The following SLC30A6 variants were observed in gnomAD, a reference collection of about 807,000 sequenced individuals.
SLC30A6 encodes the protein solute carrier family 30 member 6, also known as zinc transporter 6.
A neutral mutation model predicts 63.0 loss-of-function variants in SLC30A6; 55 were observed. That is an observed-to-expected ratio of 0.87 (90% confidence interval 0.70 to 1.09). The LOEUF (loss-of-function observed/expected upper bound fraction) is 1.09, where lower values mean the gene tolerates loss of function less well. Among genes scored for constraint, SLC30A6 ranks in the 50% least tolerant of loss-of-function variants. SLC30A6 has a pLI of 0.00. For missense variants in SLC30A6, 587 were observed against 549.2 expected (o/e 1.07, Z -0.69); for synonymous variants, 224 against 186.1 (o/e 1.20, Z -1.66).
At chr2:32,208,664 C>T (rs1166411196) in intron 12 of SLC30A6, among the ~76,000 whole-genome samples, 1 of 124,888 alleles carries the variant, frequency 8.0e-6, no homozygotes. Flanking sequence ...GTGTTCTCTG[C>T]TTCCCACCGG....
chr2:32,181,226 G>A (rs922913136), intron 4 of SLC30A6, among the ~76,000 whole-genome samples: 2 of 152,120 alleles, frequency 1.3e-5, no homozygotes, highest in African/African-American at 4.8e-5. Flanking sequence ...GATTTATGTA[G>A]TAATGGGAAG....
intron 4 of SLC30A6, among the ~76,000 whole-genome samples, chr2:32,183,797 A>G (rs1212879771): frequency 6.6e-6 from 1 of 152,008 alleles, no homozygotes; most frequent in African/African-American, 2.4e-5. Context: ...AACTTGTTTT[A>G]CAGTGAATCT....
chr2:32,187,999 A>G lies in SLC30A6; in HGVS notation c.284+3661A>G, dbSNP rs1217765260. On this transcript the variant is annotated intron_variant, in intron 5 of 13. Coordinates refer to ENST00000282587, the MANE Select transcript of SLC30A6 (RefSeq NM_017964.5). ...TATCCCTCTCCCCTTAAAACCATCT[A>G]GTTGTTTCCCGTAATACTTAGAATA... Among the ~76,000 whole-genome samples the G allele has an allele frequency of 4.6e-5, 7 of 152,176 alleles. 1 individual carries two copies. The East Asian group carries it at 1.4e-3, about 29-fold the overall frequency.
intron 4 of SLC30A6, among the ~76,000 whole-genome samples, chr2:32,183,002 C>T (rs548765290): frequency 4.6e-5 from 7 of 152,164 alleles, no homozygotes; most frequent in East Asian, 3.9e-4. Context: ...GCCTGGCCAA[C>T]GTGGTGAAAG....
At chr2:32,206,820 C>T in intron 11 of SLC30A6, 66 bp from the exon 12 acceptor site, 2 of 1,263,782 alleles carry the variant, frequency 1.6e-6, no homozygotes, top group East Asian at 2.3e-5. Context: ...GGAGGGGGTT[C>T]AGGACCATTG....
intron 12 of SLC30A6, among the ~76,000 whole-genome samples, chr2:32,207,397 G>A (rs1390170754): frequency 2.0e-5 from 3 of 150,904 alleles, no homozygotes; most frequent in African/African-American, 7.3e-5. Context: ...TTTTTTTTGA[G>A]ACAGAGTCTT....
intron 8 of SLC30A6, among the ~76,000 whole-genome samples, chr2:32,195,960 G>T (rs1177021207): frequency 7.2e-5 from 11 of 152,114 alleles, no homozygotes; most frequent in Non-Finnish European, 1.3e-4. Context: ...TGAGGTGGTT[G>T]TATTGCTTGA....
At chr2:32,171,508 T>C in intron 2 of SLC30A6, 135 bp downstream of exon 2, 1 of 621,924 alleles carries the variant, frequency 1.6e-6, no homozygotes, top group Non-Finnish European at 2.7e-6. Context: ...GTTGGAAAAG[T>C]ATTTTTTTAG....
chr2:32,171,246 T>G, intron 1 of SLC30A6, 41 bp from the exon 2 acceptor site: 1 of 1,537,974 alleles, frequency 6.5e-7, no homozygotes, highest in African/African-American at 1.4e-5. Flanking sequence ...CTGAAGATGA[T>G]TAAATATCTA....
chr2:32,198,032 A>G (rs558670701), intron 10 of SLC30A6, among the ~76,000 whole-genome samples: 1 of 152,324 alleles, frequency 6.6e-6, no homozygotes, highest in Non-Finnish European at 1.5e-5. Context: ...TGTATAATGC[A>G]GACTGGAAAA....
At chr2:32,194,036 A>G in intron 8 of SLC30A6, 53 bp downstream of exon 8, 1 of 1,456,260 alleles carries the variant, frequency 6.9e-7, no homozygotes, top group Non-Finnish European at 9.5e-7. Flanking sequence ...TCTCATAAAA[A>G]CAAGCCTTTT....
Position 32,220,665 on chromosome 2 carries a change from A to C in SLC30A6, c.1338A>C (p.Ile446=), listed in dbSNP as rs759838866. The C allele has an allele frequency of 6.2e-7, 1 of 1,613,912 alleles. No individual in the cohort carries two copies. Among genetic ancestry groups the C allele is most frequent in the African/African-American group, 1.3e-5 (1 of 74,934 alleles). Residue 446 remains isoleucine, a synonymous_variant, in exon 14 of 14, where the codon ATA becomes ATC. Coordinates refer to ENST00000282587, the MANE Select transcript of SLC30A6 (RefSeq NM_017964.5). ...TQGLRTGFTN[I]PSRYGTNNRI... is the part of the protein sequence containing the mutation. ...GATTGAGGACTGGTTTTACAAATAT[A>C]CCAAGTAGATATGGAACTAATAATA...
At chr2:32,205,662 C>CTTTTTTTTT (rs745414068) in intron 11 of SLC30A6, among the ~76,000 whole-genome samples, 1 of 87,198 alleles carries the variant, frequency 1.1e-5, no homozygotes, top group African/African-American at 4.4e-5. Flanking sequence ...AATGTTACTT[C>CTTTTTTTTT]TTTTTTTTTT....
At chr2:32,179,683 T>G (rs1682111991) in intron 4 of SLC30A6, among the ~76,000 whole-genome samples, 3 of 152,110 alleles carry the variant, frequency 2.0e-5, no homozygotes, top group Non-Finnish European at 4.4e-5. Context: ...AAAAGCAAGA[T>G]ACACAACAGT....
At chr2:32,200,089 C>T (rs1684150549) in intron 10 of SLC30A6, among the ~76,000 whole-genome samples, 2 of 152,004 alleles carry the variant, frequency 1.3e-5, no homozygotes, top group Admixed American at 1.3e-4. Context: ...CACACACACA[C>T]ACACACAAAT....
chr2:32,217,526 G>C (rs1414342526), intron 13 of SLC30A6, among the ~76,000 whole-genome samples: 1 of 152,220 alleles, frequency 6.6e-6, no homozygotes, highest in African/African-American at 2.4e-5. Flanking sequence ...TTTCTGCTTA[G>C]AATTTCTTTG....
chr2:32,213,054 C>T (rs558129928), intron 13 of SLC30A6, among the ~76,000 whole-genome samples: 5 of 151,392 alleles, frequency 3.3e-5, no homozygotes, highest in African/African-American at 4.8e-5. Context: ...TACAGGTACA[C>T]GCCACCATGC....
chr2:32,182,494 G>C (rs540953272), intron 4 of SLC30A6, among the ~76,000 whole-genome samples: 27 of 152,204 alleles, frequency 1.8e-4, no homozygotes, highest in Non-Finnish European at 3.7e-4. Context: ...GAGCTCTATT[G>C]GGGGAGCAAA....
rs371286708 is a variant in SLC30A6, at chr2:32,197,668, T to A, written c.546-39T>A. On this transcript the variant is annotated intron_variant, in intron 9 of 13. Coordinates refer to ENST00000282587, the MANE Select transcript of SLC30A6 (RefSeq NM_017964.5). ...AAGGTTGTCACCAGTTTTATGTGAG[T>A]TCTGCTAATGGATACTCTTTCTGTT... 4.3e-6 allele frequency: 7 copies of A among 1,612,056 alleles called. No homozygotes were observed. In the African/African-American group the frequency reaches 9.4e-5, roughly 22 times the overall value.
Sources: gnomAD v4.1 joint callset for allele counts (sites outside exome capture counted in the v4.1 genomes callset) on GRCh38, gnomAD v4.1.1 for gene constraint, MANE v1.5 for transcripts, NCBI Gene and HGNC (gene_info 2026-07-23, HGNC 2026-07-21) for gene names.